The following TDRD10 variants were observed in gnomAD, a reference collection of about 807,000 sequenced individuals.
TDRD10 encodes tudor domain containing 10.
Under a neutral mutation model 48.0 loss-of-function variants are expected in TDRD10, and 40 were observed. That is an observed-to-expected ratio of 0.83 (90% CI 0.65 to 1.09). The LOEUF is 1.09. Ranked by LOEUF, TDRD10 falls within the 50% of genes least tolerant of loss-of-function variation. The pLI, the probability that TDRD10 is intolerant of heterozygous loss-of-function variation, is 0.00. For synonymous variants in TDRD10, 162 were observed against 170.4 expected (o/e 0.95, Z 0.38); for missense variants, 378 against 434.7 (o/e 0.87, Z 1.16).
chr1:154,517,142 G>A (rs1693811435), intron 4 of TDRD10, among the ~76,000 whole-genome samples: 1 of 152,124 alleles, frequency 6.6e-6, no homozygotes, highest in Non-Finnish European at 1.5e-5. Context: ...GGGGTTCAAA[G>A]CTGTCATTTG....
chr1:154,541,966 G>T, intron 6 of TDRD10, 58 bp from the exon 7 acceptor site: 3 of 1,568,810 alleles, frequency 1.9e-6, no homozygotes, highest in Non-Finnish European at 2.6e-6. Context: ...ATTCAACATA[G>T]AAATCAATAA....
In TDRD10 at chr1:154,538,093, C is replaced by T. The variant is rs1695019501; in HGVS notation, c.370-3931C>T. On this transcript the variant is annotated intron_variant, in intron 6 of 12. Coordinates refer to ENST00000368482, the MANE Select transcript of TDRD10 (RefSeq NM_182499.4). ...TAATTATGTAGATTTTCCTCTGGAA[C>T]TTAATTTTACAAACTGTCAAAACGG... 3.9e-5 allele frequency among the ~76,000 whole-genome samples: 6 copies of T among 152,164 alleles called. No individual in the cohort carries two copies. In the South Asian group the frequency reaches 1.2e-3, roughly 32 times the overall value.
At position 154,547,697 on chromosome 1, in the gene TDRD10, AAG is replaced by A. The variant is rs1557842159; in HGVS notation, c.1046_1047del (p.Glu349ValfsTer2). On this transcript the variant is annotated frameshift_variant, in exon 13 of 13. Transcript: ENST00000368482. LOFTEE classifies it high-confidence loss of function. The stretch of plus-strand genomic sequence containing the variant: ...TTCCAGTTGCACATCCTAAAGTTTG[AAG>A]AGTCTAAATAACGGGGCTTCCCTCA... 2 of 1,613,876 alleles carry A rather than the reference AAG, an allele frequency of 1.2e-6. No individual in the cohort carries two copies. Among genetic ancestry groups the A allele is most frequent in the Non-Finnish European group, 8.5e-7 (1 of 1,179,902 alleles).
chr1:154,535,573 G>A (rs1328817036), intron 6 of TDRD10, among the ~76,000 whole-genome samples: 1 of 152,026 alleles, frequency 6.6e-6, no homozygotes, highest in Non-Finnish European at 1.5e-5. Flanking sequence ...CCAGCTACTG[G>A]TGAGGCTGAG....
At chr1:154,516,168 A>G (rs1450937482) in intron 4 of TDRD10, among the ~76,000 whole-genome samples, 1 of 152,224 alleles carries the variant, frequency 6.6e-6, no homozygotes, top group African/African-American at 2.4e-5. Context: ...TGAAGATAGC[A>G]TAGATGACTT....
intron 6 of TDRD10, among the ~76,000 whole-genome samples, chr1:154,528,112 T>G (rs1694406284): frequency 6.6e-6 from 1 of 152,056 alleles, no homozygotes; most frequent in African/African-American, 2.4e-5. Context: ...ATTTCTTGGC[T>G]GAGTGCAGTG....
At chr1:154,529,651 T>C (rs1024514523) in intron 6 of TDRD10, among the ~76,000 whole-genome samples, 2 of 151,586 alleles carry the variant, frequency 1.3e-5, no homozygotes, top group African/African-American at 2.4e-5. Context: ...GTTCAAGTGA[T>C]TCTCCTGCCT....
chr1:154,513,775 C>A (rs554802546), intron 4 of TDRD10, among the ~76,000 whole-genome samples: 5 of 152,264 alleles, frequency 3.3e-5, no homozygotes, highest in African/African-American at 9.6e-5. Flanking sequence ...GAATAGAAGA[C>A]CAAAATAATG....
At chr1:154,518,338 C>T (rs1298785957) in intron 4 of TDRD10, among the ~76,000 whole-genome samples, 1 of 152,146 alleles carries the variant, frequency 6.6e-6, no homozygotes, top group Admixed American at 6.6e-5. Context: ...TTTAAAAAAT[C>T]CTAATAAGTT....
At chr1:154,526,995 C>T (rs540951461) in intron 6 of TDRD10, among the ~76,000 whole-genome samples, 2 of 152,136 alleles carry the variant, frequency 1.3e-5, no homozygotes, top group East Asian at 1.9e-4. Context: ...CTGCAACCTC[C>T]GCCTTCTGGG....
At chr1:154,516,971 T>C (rs1693804208) in intron 4 of TDRD10, among the ~76,000 whole-genome samples, 1 of 151,558 alleles carries the variant, frequency 6.6e-6, no homozygotes, top group Non-Finnish European at 1.5e-5. Flanking sequence ...AGCAAGGACA[T>C]TGTAGGTTCG....
At position 154,547,877 on chromosome 1, in the gene TDRD10, G is replaced by A. The variant is rs980673133; in HGVS notation, c.*167G>A. 7 of 729,786 alleles carry A rather than the reference G, an allele frequency of 9.6e-6. No individual in the cohort carries two copies. The African/African-American group carries it at 1.1e-4, about 11-fold the overall frequency. The allele number at this position is 729,786 out of a possible 1,614,324, so 45.2% of individuals were successfully genotyped here. A position where few individuals can be genotyped will look rare whatever the true frequency, so the allele number is the denominator to read the frequency against. On this transcript the variant is annotated 3_prime_UTR_variant, in exon 13 of 13. Transcript: ENST00000368482. ...TTTACTCCCAGCTTCCCTCTCAAAAGAGAGTGAAGTCTCATTTGTCATGTG... is the reference window on the plus strand; with the variant it reads ...TTTACTCCCAGCTTCCCTCTCAAAAAAGAGTGAAGTCTCATTTGTCATGTG...
intron 8 of TDRD10, among the ~76,000 whole-genome samples, chr1:154,543,639 G>A (rs1397413859): frequency 6.6e-6 from 1 of 152,132 alleles, no homozygotes; most frequent in Non-Finnish European, 1.5e-5. Context: ...TCACTTAGGA[G>A]GCCCCAAATC....
In TDRD10 at chr1:154,502,615, C is replaced by G. The variant is rs560146078; in HGVS notation, c.-442C>G. On this transcript the variant is annotated 5_prime_UTR_variant, in exon 1 of 13. Coordinates refer to ENST00000368482, the MANE Select transcript of TDRD10 (RefSeq NM_182499.4). Reference sequence around the variant, plus strand: ...CGCGCCCCACTGAGCAGAGAGCCCCCTTCTGCCGCCGACAGCCCGCGTCTG... The same window carrying G: ...CGCGCCCCACTGAGCAGAGAGCCCCGTTCTGCCGCCGACAGCCCGCGTCTG... The G allele has an allele frequency of 6.6e-6, 1 of 152,270 alleles. No individual in the cohort carries two copies. Among genetic ancestry groups the G allele is most frequent in the African/African-American group, 2.4e-5 (1 of 41,452 alleles). 9.4% of individuals were successfully genotyped at this position (152,270 alleles called of 1,614,324 possible).
chr1:154,510,451 G>T (rs889772827), intron 4 of TDRD10, among the ~76,000 whole-genome samples: 14 of 151,828 alleles, frequency 9.2e-5, no homozygotes, highest in Admixed American at 8.5e-4. Flanking sequence ...AATTAGACGG[G>T]TATGGTGGTG....
chr1:154,502,752 T>G lies in TDRD10; in HGVS notation c.-305T>G, dbSNP rs944064860. Reference sequence around the variant, plus strand: ...GCCCACCCACTCCGCTCTACTCCACTCTTTCTGCAGACGTTATTTTTGGCG... The same window carrying G: ...GCCCACCCACTCCGCTCTACTCCACGCTTTCTGCAGACGTTATTTTTGGCG... On this transcript the variant is annotated 5_prime_UTR_variant, in exon 1 of 13. Transcript: ENST00000368482. 1 of 152,122 alleles carries G rather than the reference T, an allele frequency of 6.6e-6. No individual in the cohort carries two copies. Among genetic ancestry groups the G allele is most frequent in the African/African-American group, 2.4e-5 (1 of 41,408 alleles). 9.4% of individuals were successfully genotyped at this position (152,122 alleles called of 1,614,324 possible). A position where few individuals can be genotyped will look rare whatever the true frequency, so the allele number is the denominator to read the frequency against.
chr1:154,520,743 C>CGTTT (rs1305012377), intron 5 of TDRD10, among the ~76,000 whole-genome samples: 1 of 152,106 alleles, frequency 6.6e-6, no homozygotes, highest in Non-Finnish European at 1.5e-5. Flanking sequence ...GTGCTTTGAA[C>CGTTT]GTTTGTTTGT....
In TDRD10 at chr1:154,548,072, G is replaced by C. The variant is rs1266411260; in HGVS notation, c.*362G>C. ...TGGATAATGGAGAAGCCCTCTGCTG[G>C]TTTTCCTGGCATTCCATGTAGAATA... On this transcript the variant is annotated 3_prime_UTR_variant, in exon 13 of 13. Coordinates refer to ENST00000368482, the MANE Select transcript of TDRD10 (RefSeq NM_182499.4). 3.4e-6 allele frequency: 1 copy of C among 297,426 alleles called. No individual in the cohort carries two copies. The highest frequency in any genetic ancestry group is 2.2e-5 in the African/African-American group (1 of 45,980). 18.4% of individuals were successfully genotyped at this position (297,426 alleles called of 1,614,324 possible).
intron 4 of TDRD10, among the ~76,000 whole-genome samples, chr1:154,514,936 C>T (rs981367158): frequency 4.0e-5 from 6 of 151,820 alleles, no homozygotes; most frequent in South Asian, 2.1e-4. Flanking sequence ...GGCGTGATCT[C>T]GACACACTGC....
Sources: allele counts gnomAD v4.1 joint callset (sites outside exome capture counted in the v4.1 genomes callset), GRCh38; gene constraint gnomAD v4.1.1; transcripts MANE v1.5; gene names NCBI Gene and HGNC (gene_info 2026-07-23, HGNC 2026-07-21).